Variants in FHIT observed in about 807,000 individuals in gnomAD.
The protein encoded by FHIT is fragile histidine triad diadenosine triphosphatase, also known as bis(5'-adenosyl)-triphosphatase.
A neutral mutation model predicts 17.9 loss-of-function variants in FHIT; 19 were observed. That is an observed-to-expected ratio of 1.06 (90% CI 0.74 to 1.56). The LOEUF is 1.56. Among genes scored for constraint, FHIT ranks in the 40% most tolerant of loss-of-function variants. FHIT has a pLI of 0.00. For missense variants in FHIT, 248 were observed against 189.2 expected (o/e 1.31, Z -1.82); for synonymous variants, 81 against 69.7 (o/e 1.16, Z -0.81).
At chr3:60,207,743 A>T (rs1030546483) in intron 5 of FHIT, among the ~76,000 whole-genome samples, 2 of 152,180 alleles carry the variant, frequency 1.3e-5, no homozygotes, top group Non-Finnish European at 2.9e-5. Flanking sequence ...GGTCATTCTG[A>T]TATGTTTTAG....
At chr3:59,950,014 G>C (rs1707034842) in intron 7 of FHIT, among the ~76,000 whole-genome samples, 1 of 152,148 alleles carries the variant, frequency 6.6e-6, no homozygotes, top group Non-Finnish European at 1.5e-5. Flanking sequence ...ACTGCAGAAG[G>C]AATAGAGGTA....
At chr3:60,344,530 C>T (rs1710682038) in intron 5 of FHIT, among the ~76,000 whole-genome samples, 1 of 152,122 alleles carries the variant, frequency 6.6e-6, no homozygotes, top group Non-Finnish European at 1.5e-5. Flanking sequence ...AATGTGTTTG[C>T]ATCCTAGAAA....
At chr3:60,346,786 G>T (rs997289200) in intron 5 of FHIT, among the ~76,000 whole-genome samples, 1 of 152,068 alleles carries the variant, frequency 6.6e-6, no homozygotes, top group African/African-American at 2.4e-5. Context: ...TTTTATTAAG[G>T]CAGAAAAATT....
At chr3:60,386,506 T>C (rs1355449140) in intron 5 of FHIT, among the ~76,000 whole-genome samples, 2 of 152,316 alleles carry the variant, frequency 1.3e-5, no homozygotes. Flanking sequence ...ATTGTTTCAA[T>C]AGAAACCGCT....
At chr3:60,931,695 T>C (rs1707965339) in intron 3 of FHIT, among the ~76,000 whole-genome samples, 1 of 152,204 alleles carries the variant, frequency 6.6e-6, no homozygotes, top group South Asian at 2.1e-4. Context: ...GGGTATGGAG[T>C]TTGTTTTTTC....
intron 4 of FHIT, among the ~76,000 whole-genome samples, chr3:60,748,712 T>C: frequency 6.6e-6 from 1 of 152,206 alleles, no homozygotes; most frequent in East Asian, 1.9e-4. Context: ...CTTGGGAGGC[T>C]GAGGCAGGAG....
At chr3:60,351,454 T>C (rs577286000) in intron 5 of FHIT, among the ~76,000 whole-genome samples, 1 of 152,302 alleles carries the variant, frequency 6.6e-6, no homozygotes, top group Admixed American at 6.5e-5. Flanking sequence ...TTTCTTCCTT[T>C]GACTTATAAT....
intron 5 of FHIT, among the ~76,000 whole-genome samples, chr3:60,064,399 C>CA (rs1487312263): frequency 1.1e-4 from 16 of 152,178 alleles, no homozygotes; most frequent in Non-Finnish European, 1.9e-4. Flanking sequence ...AAACCACCCT[C>CA]ATACCTTGTC....
chr3:60,698,993 A>G (rs782465780), intron 4 of FHIT, among the ~76,000 whole-genome samples: 5 of 152,218 alleles, frequency 3.3e-5, no homozygotes, highest in Non-Finnish European at 5.9e-5. Context: ...TTATATAACA[A>G]TCAAAACTAA....
chr3:60,729,099 T>C (rs572983173), intron 4 of FHIT, among the ~76,000 whole-genome samples: 1 of 152,384 alleles, frequency 6.6e-6, no homozygotes, highest in East Asian at 1.9e-4. Context: ...CTGACACTGA[T>C]GTTCAGTGCC....
In FHIT at chr3:60,698,233, CT is replaced by C. The variant is rs11426035; in HGVS notation, c.-18+123685del. ...CTCTAAATAAAGAAGTGGAGTGTGG[CT>C]TTTTTTTTCCTTTCCAGGTTCAGCA... On this transcript the variant is annotated intron_variant, in intron 4 of 9. Transcript: ENST00000492590. Among the ~76,000 whole-genome samples the C allele has an allele frequency of 2.6e-4, 39 of 151,166 alleles. No homozygotes were observed. The South Asian group carries it at 6.3e-3, about 24-fold the overall frequency.
chr3:60,952,768 G>C (rs1348843421), intron 3 of FHIT, among the ~76,000 whole-genome samples: 9 of 152,152 alleles, frequency 5.9e-5, no homozygotes, highest in Non-Finnish European at 1.2e-4. Flanking sequence ...AATGAGACTA[G>C]GAAAAGTCTG....
intron 5 of FHIT, among the ~76,000 whole-genome samples, chr3:60,123,438 T>C (rs894928251): frequency 5.3e-5 from 8 of 152,194 alleles, no homozygotes; most frequent in African/African-American, 1.9e-4. Context: ...ATTATCTTTC[T>C]ATAAGAGACT....
At chr3:60,062,927 G>T (rs985453455) in intron 5 of FHIT, among the ~76,000 whole-genome samples, 1 of 152,164 alleles carries the variant, frequency 6.6e-6, no homozygotes, top group East Asian at 1.9e-4. Flanking sequence ...TTTCCAGTAG[G>T]AGAGAAGAAG....
chr3:60,558,616 C>G (rs2036825414), intron 4 of FHIT, among the ~76,000 whole-genome samples: 1 of 152,096 alleles, frequency 6.6e-6, no homozygotes, highest in African/African-American at 2.4e-5. Flanking sequence ...GCTCCGACCT[C>G]CAGTCAAAAA....
chr3:60,503,886 T>A (rs1053686477), intron 5 of FHIT, among the ~76,000 whole-genome samples: 2 of 152,196 alleles, frequency 1.3e-5, no homozygotes, highest in East Asian at 1.9e-4. Context: ...CTTCATACTT[T>A]TGTGCATGAA....
At chr3:60,423,561 A>G (rs1160204036) in intron 5 of FHIT, among the ~76,000 whole-genome samples, 1 of 152,184 alleles carries the variant, frequency 6.6e-6, no homozygotes, top group Non-Finnish European at 1.5e-5. Flanking sequence ...CCTAAACTAA[A>G]TGTTTAGTAA....
chr3:60,385,620 T>C lies in FHIT; in HGVS notation c.103+151240A>G, dbSNP rs533417774. ...ACTGAAACAGGATCTCACTTTGTCA[T>C]CCAGTCTAGAGTGCAGTTGCACGAT... On this transcript the variant is annotated intron_variant, in intron 5 of 9. Coordinates refer to ENST00000492590, the MANE Select transcript of FHIT (RefSeq NM_002012.4). Among the ~76,000 whole-genome samples the C allele has an allele frequency of 6.6e-5, 10 of 152,308 alleles. No individual in the cohort carries two copies. The South Asian group carries it at 2.1e-3, about 32-fold the overall frequency.
intron 4 of FHIT, among the ~76,000 whole-genome samples, chr3:60,592,809 G>C (rs1479597824): frequency 6.6e-6 from 1 of 152,140 alleles, no homozygotes; most frequent in Non-Finnish European, 1.5e-5. Flanking sequence ...GTCAGAGGTA[G>C]TAGGAAAGTA....
Sources: gnomAD v4.1 joint callset for allele counts (sites outside exome capture counted in the v4.1 genomes callset) on GRCh38, gnomAD v4.1.1 for gene constraint, MANE v1.5 for transcripts, NCBI Gene and HGNC (gene_info 2026-07-23, HGNC 2026-07-21) for gene names.